Variants in RORA observed in about 807,000 individuals in gnomAD.
RORA encodes the protein RAR related orphan receptor A, also known as nuclear receptor ROR-alpha.
In RORA, 7 loss-of-function variants were observed where a neutral mutation model predicts 69.5. The ratio of observed to expected loss-of-function variants is 0.10; its 90% CI spans 0.06 to 0.19. The LOEUF (loss-of-function observed/expected upper bound fraction) is 0.19. RORA is among the 10% of genes least tolerant of loss of function. The probability of loss-of-function intolerance (pLI) is 1.00; values close to 1 mark genes in which losing one functional copy is unlikely to be tolerated. For missense variants in RORA, 457 were observed against 663.0 expected (o/e 0.69, Z 3.41); for synonymous variants, 261 against 240.8 (o/e 1.08, Z -0.78).
intron 1 of RORA, among the ~76,000 whole-genome samples, chr15:60,820,243 G>A (rs1170383765): frequency 6.6e-6 from 1 of 152,154 alleles, no homozygotes; most frequent in East Asian, 1.9e-4. Flanking sequence ...GTTCTAGCAC[G>A]TGTTTTGAAA....
At chr15:60,798,923 C>T (rs547990004) in intron 1 of RORA, among the ~76,000 whole-genome samples, 4 of 146,984 alleles carry the variant, frequency 2.7e-5, no homozygotes, top group African/African-American at 7.5e-5. Flanking sequence ...CTAGTTATTG[C>T]TCAATAAAGG....
chr15:61,010,036 A>G (rs1186577950), intron 1 of RORA, among the ~76,000 whole-genome samples: 1 of 152,152 alleles, frequency 6.6e-6, no homozygotes, highest in Non-Finnish European at 1.5e-5. Flanking sequence ...CATTTTTAAC[A>G]TATGTTTAAC....
intron 1 of RORA, among the ~76,000 whole-genome samples, chr15:61,086,503 CTAAGAA>C (rs1337369019): frequency 4.6e-5 from 7 of 152,152 alleles, no homozygotes; most frequent in African/African-American, 1.7e-4. Context: ...GTCACTGCTA[CTAAGAA>C]TATTATATGC....
chr15:60,690,251 G>A (rs1271350170), intron 1 of RORA, among the ~76,000 whole-genome samples: 5 of 152,218 alleles, frequency 3.3e-5, no homozygotes, highest in African/African-American at 4.8e-5. Context: ...AATTCCCAGA[G>A]TCCCTTGCAG....
At chr15:60,538,865 TA>T (rs925856272) in intron 2 of RORA, among the ~76,000 whole-genome samples, 17 of 151,716 alleles carry the variant, frequency 1.1e-4, no homozygotes, top group Admixed American at 2.0e-4. Context: ...TTATAGCCAT[TA>T]AAAAAAATGT....
At chr15:60,627,823 C>A (rs958935156) in intron 2 of RORA, among the ~76,000 whole-genome samples, 2 of 152,136 alleles carry the variant, frequency 1.3e-5, no homozygotes, top group East Asian at 1.9e-4. Context: ...GATAATCATG[C>A]CTTCATATGG....
At chr15:61,182,642 T>C (rs2079698151) in intron 1 of RORA, among the ~76,000 whole-genome samples, 1 of 152,176 alleles carries the variant, frequency 6.6e-6, no homozygotes, top group Admixed American at 6.5e-5. Context: ...AAGTAGAATA[T>C]TTCCTAGCCC....
intron 1 of RORA, among the ~76,000 whole-genome samples, chr15:60,793,357 G>A (rs2072444761): frequency 6.6e-6 from 1 of 152,154 alleles, no homozygotes; most frequent in African/African-American, 2.4e-5. Context: ...AACATCCTTT[G>A]GAGTCTCATC....
intron 1 of RORA, among the ~76,000 whole-genome samples, chr15:61,118,999 G>A (rs775928310): frequency 2.6e-5 from 4 of 151,444 alleles, no homozygotes; most frequent in Non-Finnish European, 5.9e-5. Flanking sequence ...AAAGGAATGC[G>A]TGAGGGTCGG....
At chr15:60,855,576 T>C (rs1422199674) in intron 1 of RORA, among the ~76,000 whole-genome samples, 3 of 151,932 alleles carry the variant, frequency 2.0e-5, no homozygotes, top group African/African-American at 7.3e-5. Context: ...TGTGGACCCT[T>C]ACACTTTATT....
intron 2 of RORA, among the ~76,000 whole-genome samples, chr15:60,590,175 A>ATCTATCTC (rs139753927): frequency 6.8e-6 from 1 of 146,712 alleles, no homozygotes; most frequent in African/African-American, 2.6e-5. Flanking sequence ...CTCTTCCTCT[A>ATCTATCTC]TCTCTCTCTC....
chr15:60,578,561 C>A (rs1417214457), intron 2 of RORA, among the ~76,000 whole-genome samples: 1 of 152,104 alleles, frequency 6.6e-6, no homozygotes, highest in Admixed American at 6.5e-5. Flanking sequence ...ATTCAAAAAA[C>A]AGCTAGTTCA....
chr15:60,724,918 GC>G (rs1388944679), intron 1 of RORA, among the ~76,000 whole-genome samples: 1 of 152,148 alleles, frequency 6.6e-6, no homozygotes, highest in East Asian at 1.9e-4. Flanking sequence ...CTCACACTGG[GC>G]CCTTCATGAT....
At chr15:60,617,690 A>AGAGG (rs2069288493) in intron 2 of RORA, among the ~76,000 whole-genome samples, 1 of 149,120 alleles carries the variant, frequency 6.7e-6, no homozygotes, top group South Asian at 2.1e-4. Context: ...AGAGAGAGAG[A>AGAGG]GAAAGAGGGA....
chr15:60,858,661 G>A (rs1367797419), intron 1 of RORA, among the ~76,000 whole-genome samples: 1 of 147,612 alleles, frequency 6.8e-6, no homozygotes, highest in Non-Finnish European at 1.5e-5. Context: ...GTTTCACTCT[G>A]AGTTTTCAGA....
intron 1 of RORA, among the ~76,000 whole-genome samples, chr15:60,703,331 C>G (rs1280435520): frequency 6.6e-6 from 1 of 152,210 alleles, no homozygotes; most frequent in Non-Finnish European, 1.5e-5. Flanking sequence ...GGAAAGTTCT[C>G]TGAGGCCCTA....
At chr15:61,178,481 G>C (rs2079651862) in intron 1 of RORA, among the ~76,000 whole-genome samples, 1 of 151,528 alleles carries the variant, frequency 6.6e-6, no homozygotes, top group African/African-American at 2.4e-5. Context: ...AGAAAAATAT[G>C]GATAAATATA....
chr15:61,059,023 C>A (rs554994793), intron 1 of RORA, among the ~76,000 whole-genome samples: 183 of 152,118 alleles, frequency 1.2e-3, no homozygotes, highest in African/African-American at 4.2e-3. Context: ...TCTTTGATTT[C>A]TTCCTTAATT....
At chr15:60,689,050 G>C (rs950767571) in intron 1 of RORA, among the ~76,000 whole-genome samples, 1 of 152,128 alleles carries the variant, frequency 6.6e-6, no homozygotes, top group African/African-American at 2.4e-5. Context: ...GATGACCTCT[G>C]GAGTCAGAAA....
Sources: gnomAD v4.1 joint callset for allele counts (sites outside exome capture counted in the v4.1 genomes callset) on GRCh38, gnomAD v4.1.1 for gene constraint, MANE v1.5 for transcripts, NCBI Gene and HGNC (gene_info 2026-07-23, HGNC 2026-07-21) for gene names.